LRP2BP: variants seen among roughly 807,000 people sequenced by gnomAD.
The protein encoded by LRP2BP is LRP2 binding protein.
LRP2BP carries 38 observed loss-of-function variants against 45.2 expected under a neutral mutation model. The ratio of observed to expected loss-of-function variants is 0.84; its 90% CI spans 0.65 to 1.10. The LOEUF (loss-of-function observed/expected upper bound fraction) is 1.10, where lower values mean the gene tolerates loss of function less well. LRP2BP is among the 50% of genes least tolerant of loss of function. The probability of loss-of-function intolerance (pLI) is 0.00; values close to 1 mark genes in which losing one functional copy is unlikely to be tolerated. For missense variants in LRP2BP, 385 were observed against 418.9 expected (o/e 0.92, Z 0.71); for synonymous variants, 153 against 153.9 (o/e 0.99, Z 0.04).
chr4:185,376,065 C>T (rs775858345), intron 3 of LRP2BP, among the ~76,000 whole-genome samples: 27 of 152,090 alleles, frequency 1.8e-4, no homozygotes, highest in East Asian at 1.2e-3. Context: ...CAAGTCTTCC[C>T]GGGGAAGTCA....
At chr4:185,379,084 T>A (rs779546633) in intron 1 of LRP2BP, 4 of 574,750 alleles carry the variant, frequency 7.0e-6, no homozygotes, top group Non-Finnish European at 8.8e-6. Flanking sequence ...TGAATTATCT[T>A]TGTGATTTTG....
chr4:185,366,984 C>A lies in LRP2BP; in HGVS notation c.*196G>T. ...GGTGGACCTCTGAGGACTCTTCCAG[C>A]AATTTGACCTTGTGTCTAGGTTTCA... is the stretch of plus-strand genomic sequence containing the variant. On this transcript the variant is annotated 3_prime_UTR_variant, in exon 9 of 9. Coordinates refer to ENST00000505916, the MANE Select transcript of LRP2BP (RefSeq NM_001377440.1). The A allele has an allele frequency of 1.9e-6, 1 of 526,872 alleles. No homozygotes were observed. Among genetic ancestry groups the A allele is most frequent in the Admixed American group, 3.5e-5 (1 of 28,502 alleles). The allele number at this position is 526,872 out of a possible 1,614,324, so 32.6% of individuals were successfully genotyped here.
rs1561070552 is a variant in LRP2BP at position 185,367,294 on chromosome 4, G to T, written c.979-49C>A. ...ATTTAGATACATTCTAATTGTTTGG[G>T]TCTTTCTTCTTTTTTTTTTTTTCTT... On this transcript the variant is annotated intron_variant, in intron 8 of 8. Coordinates refer to ENST00000505916, the MANE Select transcript of LRP2BP (RefSeq NM_001377440.1). 4.8e-6 allele frequency: 7 copies of T among 1,459,256 alleles called. No individual in the cohort carries two copies. In the South Asian group the frequency reaches 5.0e-5, roughly 11 times the overall value. 90.4% of individuals were successfully genotyped at this position (1,459,256 alleles called of 1,614,324 possible).
In LRP2BP at chr4:185,378,208, C is replaced by T. The variant is rs1374884592; in HGVS notation, c.-21-1G>A. ...TCATCCTTTTTCTGCAATGTGTATTCTATAAGCAAGAAGAAAAAATAAGTG... is the reference window on the plus strand; with the variant it reads ...TCATCCTTTTTCTGCAATGTGTATTTTATAAGCAAGAAGAAAAAATAAGTG... On this transcript the variant is annotated splice_acceptor_variant, in intron 1 of 8. Coordinates refer to ENST00000505916, the MANE Select transcript of LRP2BP (RefSeq NM_001377440.1). LOFTEE classifies it low-confidence loss of function (5UTR_SPLICE). 6.2e-7 allele frequency: 1 copy of T among 1,606,514 alleles called. No individual in the cohort carries two copies. Among genetic ancestry groups the T allele is most frequent in the Middle Eastern group, 1.7e-4 (1 of 6,018 alleles).
chr4:185,390,230 G>T (rs2095484529), intron 1 of LRP2BP, among the ~76,000 whole-genome samples: 1 of 152,146 alleles, frequency 6.6e-6, no homozygotes, highest in South Asian at 2.1e-4. Context: ...TTTAATTGAG[G>T]CCGGGCAGGG....
intron 8 of LRP2BP, among the ~76,000 whole-genome samples, chr4:185,368,384 C>T (rs1445868307): frequency 6.6e-6 from 1 of 152,126 alleles, no homozygotes; most frequent in Non-Finnish European, 1.5e-5. Context: ...CTTACTGCCT[C>T]ACCTTCTGCC....
intron 1 of LRP2BP, among the ~76,000 whole-genome samples, chr4:185,392,890 G>A (rs997901107): frequency 5.3e-5 from 8 of 152,142 alleles, no homozygotes; most frequent in Non-Finnish European, 1.2e-4. Flanking sequence ...ATTCTCAAGG[G>A]ATTTAAAAAA....
chr4:185,372,855 C>A lies in LRP2BP; in HGVS notation c.803+1G>T. ...AGCACAGAACAGACAAAGACATTCA[C>A]CTTTTGGAAAATGCAACACACTTTG... is the stretch of plus-strand genomic sequence containing the variant. On this transcript the variant is annotated splice_donor_variant, in intron 7 of 8. Transcript: ENST00000505916. LOFTEE classifies it high-confidence loss of function. 6.3e-7 allele frequency: 1 copy of A among 1,597,392 alleles called. No homozygotes were observed. The highest frequency in any genetic ancestry group is 8.6e-7 in the Non-Finnish European group (1 of 1,166,012).
At chr4:185,369,093 C>CT (rs2095404865) in intron 8 of LRP2BP, among the ~76,000 whole-genome samples, 1 of 151,754 alleles carries the variant, frequency 6.6e-6, no homozygotes, top group Admixed American at 6.6e-5. Context: ...GGTACCTGGA[C>CT]TTTTTTTGTT....
rs2095412192 is a variant in LRP2BP at position 185,370,805 on chromosome 4, G to C, written c.813C>G (p.Asp271Glu). The C allele has an allele frequency of 1.2e-5, 20 of 1,614,104 alleles. No individual in the cohort carries two copies. Among genetic ancestry groups the C allele is most frequent in the Non-Finnish European group, 1.7e-5 (20 of 1,180,006 alleles). Reference sequence around the variant, plus strand: ...TGGGGATGTCGTGAACCTCATCATAGTCAGCGATCCTGAGAGGATGTAGAG... The same window carrying C: ...TGGGGATGTCGTGAACCTCATCATACTCAGCGATCCTGAGAGGATGTAGAG... ...KCVAFSKRIA[D>E]YDEVHDIPMI... The change falls in exon 8 of 9, where the codon GAC (aspartate) becomes GAG (glutamate). Residue 271 changes from aspartate to glutamate, a missense_variant. Coordinates refer to ENST00000505916, the MANE Select transcript of LRP2BP (RefSeq NM_001377440.1).
chr4:185,395,476 C>A lies in LRP2BP; in HGVS notation c.-719G>T. Reference sequence around the variant, plus strand: ...ACAAAAGCGAAACTGGCAATATCAACGTGTGCTCACCTCACAAATCTGACA... The same window carrying A: ...ACAAAAGCGAAACTGGCAATATCAAAGTGTGCTCACCTCACAAATCTGACA... On this transcript the variant is annotated 5_prime_UTR_variant, in exon 1 of 9. Coordinates refer to ENST00000505916, the MANE Select transcript of LRP2BP (RefSeq NM_001377440.1). 1.0e-6 allele frequency: 1 copy of A among 985,280 alleles called. No homozygotes were observed. Among genetic ancestry groups the A allele is most frequent in the Non-Finnish European group, 1.2e-6 (1 of 829,786 alleles). 61.0% of individuals were successfully genotyped at this position (985,280 alleles called of 1,614,324 possible). A position where few individuals can be genotyped will look rare whatever the true frequency, so the allele number is the denominator to read the frequency against.
chr4:185,376,765 T>C (rs906016685), intron 3 of LRP2BP, 144 bp downstream of exon 3: 10 of 611,516 alleles, frequency 1.6e-5, no homozygotes, highest in African/African-American at 1.5e-4. Context: ...CACTGTATCC[T>C]ACTGTTAAAG....
chr4:185,367,193 C>T lies in LRP2BP; in HGVS notation c.1031G>A (p.Arg344His), dbSNP rs781419943. ...ATACATTGTGGTCTAAATTCTTTGACGAATAAGTAAGGAGTGAAGTTCATC... is the reference window on the plus strand; with the variant it reads ...ATACATTGTGGTCTAAATTCTTTGATGAATAAGTAAGGAGTGAAGTTCATC... The part of the protein sequence containing the change: ...LADELHSLLI[R>H]QRI The change falls in exon 9 of 9, where the codon CGT becomes CAT. Residue 344 changes from arginine (R) to histidine (H), a missense_variant. By Grantham distance (29) the Arg-to-His change is conservative. Coordinates refer to ENST00000505916, the MANE Select transcript of LRP2BP (RefSeq NM_001377440.1). The T allele has an allele frequency of 3.2e-5, 51 of 1,611,956 alleles. No homozygotes were observed. The highest frequency in any genetic ancestry group is 1.6e-4 in the Middle Eastern group (1 of 6,076).
chr4:185,390,831 T>G (rs966148727), intron 1 of LRP2BP: 2 of 152,216 alleles, frequency 1.3e-5, no homozygotes, highest in African/African-American at 2.4e-5. Context: ...TAATTTGAGA[T>G]GTACAGAAAA....
intron 3 of LRP2BP, 39 bp downstream of exon 3, chr4:185,376,870 A>T (rs746542100): frequency 6.9e-7 from 1 of 1,446,240 alleles, no homozygotes; most frequent in Non-Finnish European, 9.7e-7. Context: ...CTAACAACAG[A>T]ATTACAGGAA....
At chr4:185,393,921 A>T (rs1284060838) in intron 1 of LRP2BP, among the ~76,000 whole-genome samples, 1 of 152,232 alleles carries the variant, frequency 6.6e-6, no homozygotes, top group East Asian at 1.9e-4. Flanking sequence ...TCATTATTAA[A>T]TAAAACAGTT....
intron 1 of LRP2BP, among the ~76,000 whole-genome samples, chr4:185,380,601 C>A (rs556957699): frequency 6.6e-6 from 1 of 152,232 alleles, no homozygotes; most frequent in Non-Finnish European, 1.5e-5. Context: ...AGTTGGCACC[C>A]ACCCTAATCC....
In LRP2BP at chr4:185,374,169, T is replaced by C. The variant is rs138147182; in HGVS notation, c.545A>G (p.Tyr182Cys). Residue 182 changes from tyrosine (Y) to cysteine (C), a missense_variant, in exon 6 of 9, where the codon TAT (tyrosine) becomes TGT (cysteine). Coordinates refer to ENST00000505916, the MANE Select transcript of LRP2BP (RefSeq NM_001377440.1). ...CTCCTTGGGCTCCTTGGTTGAGTAA[T>C]ACAGCCCGAGCATACTTTGAGCCTT... ...SVKAQSMLGLYYSTKEPKELE... is the reference protein window; with the variant it reads ...SVKAQSMLGLCYSTKEPKELE... 449 of 1,614,176 alleles carry C rather than the reference T, an allele frequency of 2.8e-4. 6 individuals carry two copies. The South Asian group carries it at 4.4e-3, about 16-fold the overall frequency.
In LRP2BP at chr4:185,374,890, C is replaced by A. The variant is rs117320438; in HGVS notation, c.331-429G>T. Among the ~76,000 whole-genome samples the A allele has an allele frequency of 9.5e-3, 1,442 of 152,204 alleles. 78 individuals carry two copies. The highest frequency in any genetic ancestry group is 0.068 in the Admixed American group (1,040 of 15,284). ...TACACTTGCGAGCCCCTAACAAACA[C>A]CGTCTTCCATTCAAGCATACTTTTA... On this transcript the variant is annotated intron_variant, in intron 4 of 8. Transcript: ENST00000505916.
Sources: allele counts gnomAD v4.1 joint callset (sites outside exome capture counted in the v4.1 genomes callset), GRCh38; gene constraint gnomAD v4.1.1; transcripts MANE v1.5; gene names NCBI Gene and HGNC (gene_info 2026-07-23, HGNC 2026-07-21).